The following SNX13 variants were observed in gnomAD, a reference collection of about 807,000 sequenced individuals.
The protein encoded by SNX13 is sorting nexin 13.
Under a neutral mutation model 133.6 loss-of-function variants are expected in SNX13, and 45 were observed. That is an observed-to-expected ratio of 0.34 (90% CI 0.27 to 0.43). SNX13 has a LOEUF of 0.43. Among genes scored for constraint, SNX13 ranks in the 20% least tolerant of loss-of-function variants. SNX13 has a pLI of 1.00. For missense variants in SNX13, 1,032 were observed against 1,145.1 expected, an observed-to-expected ratio of 0.90 and a Z score of 1.43; for synonymous variants, 414 against 373.9, an observed-to-expected ratio of 1.11 and a Z score of -1.24.
chr7:17,844,318 T>C (rs1443306547), intron 12 of SNX13, among the ~76,000 whole-genome samples: 2 of 151,772 alleles, frequency 1.3e-5, no homozygotes, highest in Non-Finnish European at 2.9e-5. Flanking sequence ...AATGGAAAAA[T>C]TCCTAGAAAC....
At chr7:17,908,782 A>G (rs1451134172) in intron 1 of SNX13, among the ~76,000 whole-genome samples, 2 of 152,236 alleles carry the variant, frequency 1.3e-5, no homozygotes, top group Non-Finnish European at 2.9e-5. Context: ...ATATAATTAC[A>G]AAACAATACA....
At position 17,834,195 on chromosome 7, in the gene SNX13, T is replaced by A. The variant is rs564530989; in HGVS notation, c.1465-11A>T. 2 of 1,541,344 alleles carry A rather than the reference T, an allele frequency of 1.3e-6. No individual in the cohort carries two copies. The highest frequency in any genetic ancestry group is 8.8e-7 in the Non-Finnish European group (1 of 1,137,406). ...CATCAATTCATATACCTTGGTGAAATAAATCAAGATATTCAACAATTAATA... is the reference window on the plus strand; with the variant it reads ...CATCAATTCATATACCTTGGTGAAAAAAATCAAGATATTCAACAATTAATA... On this transcript the variant is annotated splice_polypyrimidine_tract_variant and intron_variant, in intron 14 of 25. Transcript: ENST00000428135.
intron 9 of SNX13, among the ~76,000 whole-genome samples, chr7:17,860,879 A>C (rs1423811457): frequency 1.3e-5 from 2 of 152,300 alleles, no homozygotes; most frequent in East Asian, 1.9e-4. Context: ...ATAGGTTTTG[A>C]AATCAGGAAG....
At chr7:17,806,483 A>T (rs1172206877) in intron 20 of SNX13, among the ~76,000 whole-genome samples, 1 of 152,244 alleles carries the variant, frequency 6.6e-6, no homozygotes, top group Admixed American at 6.5e-5. Flanking sequence ...AAGGAAATAA[A>T]GTTGGAAACC....
chr7:17,937,062 C>T (rs1408572505), intron 1 of SNX13, among the ~76,000 whole-genome samples: 2 of 145,372 alleles, frequency 1.4e-5, no homozygotes, highest in African/African-American at 5.1e-5. Flanking sequence ...CAGCTCATCC[C>T]TGTATGTAAA....
chr7:17,919,272 T>C (rs185813461), intron 1 of SNX13, among the ~76,000 whole-genome samples: 55 of 152,270 alleles, frequency 3.6e-4, no homozygotes, highest in South Asian at 6.2e-4. Flanking sequence ...AGTTGGTCCA[T>C]ATACACCTAA....
At chr7:17,940,219 C>T in intron 1 of SNX13, 65 bp downstream of exon 1, 8 of 1,550,378 alleles carry the variant, frequency 5.2e-6, no homozygotes, top group Non-Finnish European at 7.0e-6. Context: ...ATGATGTTCT[C>T]TGACGGGCTG....
rs555231532 is a variant in SNX13 at position 17,853,007 on chromosome 7, G to A, written c.838-2043C>T. Among the ~76,000 whole-genome samples, 3 of 152,258 alleles carry A rather than the reference G, an allele frequency of 2.0e-5. No individual in the cohort carries two copies. In the South Asian group the frequency reaches 6.2e-4, roughly 32 times the overall value. On this transcript the variant is annotated intron_variant, in intron 9 of 25. Coordinates refer to ENST00000428135, the MANE Select transcript of SNX13 (RefSeq NM_015132.5). ...ATGGTCATGAGCTAAGAGAAAAGAT[G>A]TGAAAAAATATATTAAATGAAAGTG...
At chr7:17,813,517 T>G (rs981601029) in intron 20 of SNX13, among the ~76,000 whole-genome samples, 11 of 152,104 alleles carry the variant, frequency 7.2e-5, no homozygotes, top group Admixed American at 1.3e-4. Flanking sequence ...TTGTTTTAAA[T>G]GTCCAAAAAC....
At chr7:17,871,091 C>T (rs1376937048) in intron 8 of SNX13, among the ~76,000 whole-genome samples, 5 of 151,760 alleles carry the variant, frequency 3.3e-5, no homozygotes, top group South Asian at 4.2e-4. Context: ...CTGCAAGCTC[C>T]GCCTCCCGGG....
chr7:17,849,568 T>C (rs1790956262), intron 11 of SNX13, among the ~76,000 whole-genome samples: 1 of 152,204 alleles, frequency 6.6e-6, no homozygotes, highest in Admixed American at 6.5e-5. Flanking sequence ...ATAATTAGAA[T>C]AAAATAAAAT....
At position 17,839,891 on chromosome 7, in the gene SNX13, T is replaced by C. The variant is rs556334250; in HGVS notation, c.1275A>G (p.Arg425=). Residue 425 remains arginine (R), a synonymous_variant, in exon 13 of 26, where the codon AGA becomes AGG. Transcript: ENST00000428135. ...TTTGGTTGGTTTGATGTTTTCCATC[T>C]CTCTGACGACTTAATAAAACTTCTA... ...QQLEVLLSRQ[R]DGKHQTNQTK... is the part of the protein sequence containing the mutation. The C allele has an allele frequency of 6.2e-7, 1 of 1,612,098 alleles. No individual in the cohort carries two copies. Among genetic ancestry groups the C allele is most frequent in the African/African-American group, 1.3e-5 (1 of 74,904 alleles).
intron 1 of SNX13, among the ~76,000 whole-genome samples, chr7:17,908,464 A>C (rs17138418): frequency 6.6e-6 from 1 of 152,146 alleles, no homozygotes; most frequent in Non-Finnish European, 1.5e-5. Context: ...AATTCTATCA[A>C]GTTCCCCTCA....
chr7:17,810,450 G>C (rs1785878952), intron 20 of SNX13, among the ~76,000 whole-genome samples: 1 of 151,908 alleles, frequency 6.6e-6, no homozygotes, highest in Admixed American at 6.6e-5. Context: ...AGACCAACAA[G>C]TTCTGAAATT....
At chr7:17,901,414 T>C (rs1797825015) in intron 1 of SNX13, among the ~76,000 whole-genome samples, 1 of 152,112 alleles carries the variant, frequency 6.6e-6, no homozygotes, top group African/African-American at 2.4e-5. Context: ...CTAGCCTGCC[T>C]TTCAAGTTTA....
chr7:17,833,008 C>T (rs1266060459), intron 15 of SNX13, among the ~76,000 whole-genome samples: 1 of 151,444 alleles, frequency 6.6e-6, no homozygotes, highest in Non-Finnish European at 1.5e-5. Flanking sequence ...TATCTCCATT[C>T]TCAAGTGTGC....
At chr7:17,859,844 T>G (rs1792418648) in intron 9 of SNX13, among the ~76,000 whole-genome samples, 1 of 152,162 alleles carries the variant, frequency 6.6e-6, no homozygotes, top group South Asian at 2.1e-4. Context: ...TTTTTTTGGT[T>G]AAGGCTGAAT....
At chr7:17,853,872 C>T (rs956559498) in intron 9 of SNX13, among the ~76,000 whole-genome samples, 3 of 151,792 alleles carry the variant, frequency 2.0e-5, no homozygotes, top group Admixed American at 6.6e-5. Flanking sequence ...ACCCGGGAGG[C>T]GGAGGTTACA....
At chr7:17,826,160 C>T in intron 16 of SNX13, 69 bp from the exon 17 acceptor site, 3 of 952,650 alleles carry the variant, frequency 3.1e-6, no homozygotes, top group South Asian at 1.6e-5. Flanking sequence ...AAGAATTCTA[C>T]ATCATATATG....
Sources: allele counts gnomAD v4.1 joint callset (sites outside exome capture counted in the v4.1 genomes callset), GRCh38; gene constraint gnomAD v4.1.1; transcripts MANE v1.5; gene names NCBI Gene and HGNC (gene_info 2026-07-23, HGNC 2026-07-21).